Variants in CTNNA2 observed in about 807,000 individuals in gnomAD.
CTNNA2 encodes catenin alpha 2, also known as catenin alpha-2.
In CTNNA2, 42 loss-of-function variants were observed where a neutral mutation model predicts 101.0. That is an observed-to-expected ratio of 0.42 (90% confidence interval 0.32 to 0.54). The LOEUF (loss-of-function observed/expected upper bound fraction) is 0.54, where lower values mean the gene tolerates loss of function less well. Among genes scored for constraint, CTNNA2 ranks in the 20% least tolerant of loss-of-function variants. The pLI is 0.14. For missense variants in CTNNA2, 871 were observed against 1,223.1 expected (o/e 0.71, Z 4.29); for synonymous variants, 450 against 456.4 (o/e 0.99, Z 0.18).
At chr2:80,178,483 G>A (rs1705541089) in intron 7 of CTNNA2, among the ~76,000 whole-genome samples, 1 of 152,176 alleles carries the variant, frequency 6.6e-6, no homozygotes, top group Admixed American at 6.5e-5. Context: ...ACCTATGGGG[G>A]CCTGCCAAAG....
At chr2:80,045,955 C>T (rs545627055) in intron 7 of CTNNA2, among the ~76,000 whole-genome samples, 3 of 152,190 alleles carry the variant, frequency 2.0e-5, no homozygotes, top group East Asian at 1.9e-4. Flanking sequence ...GCCTGCATCC[C>T]GAAAAGTGAG....
intron 2 of CTNNA2, among the ~76,000 whole-genome samples, chr2:79,256,936 T>C (rs905174112): frequency 6.6e-6 from 1 of 152,244 alleles, no homozygotes; most frequent in African/African-American, 2.4e-5. Flanking sequence ...TATTATTTTA[T>C]TTGTAATACA....
intron 1 of CTNNA2, among the ~76,000 whole-genome samples, chr2:79,535,485 T>C (rs28730485): frequency 0.34 from 52,348 of 151,900 alleles, 9,425 homozygotes; most frequent in East Asian, 0.4. Context: ...ATTACAGGGG[T>C]GAGCCACTGC....
intron 2 of CTNNA2, among the ~76,000 whole-genome samples, chr2:79,303,865 G>GA (rs748818652): frequency 6.6e-6 from 1 of 151,882 alleles, no homozygotes; most frequent in African/African-American, 2.4e-5. Context: ...TGAAGAATAA[G>GA]AGAGAGAGCG....
chr2:79,506,873 T>A (rs980690339), intron 5 of CTNNA2, among the ~76,000 whole-genome samples: 1 of 152,114 alleles, frequency 6.6e-6, no homozygotes. Context: ...GTCACAGGAG[T>A]TATGTGACTA....
At chr2:79,936,852 T>C (rs1687825571) in intron 7 of CTNNA2, among the ~76,000 whole-genome samples, 1 of 152,098 alleles carries the variant, frequency 6.6e-6, no homozygotes, top group Non-Finnish European at 1.5e-5. Flanking sequence ...AAGCTTGAAG[T>C]CTCTTAGATT....
chr2:80,598,447 G>A (rs216644), intron 15 of CTNNA2, among the ~76,000 whole-genome samples: 37,138 of 151,556 alleles, frequency 0.25, 6,891 homozygotes, highest in African/African-American at 0.53. Flanking sequence ...CACACATAGC[G>A]TAGAACTTAA....
intron 3 of CTNNA2, among the ~76,000 whole-genome samples, chr2:79,823,667 A>G (rs1678200680): frequency 6.6e-6 from 1 of 152,210 alleles, no homozygotes; most frequent in African/African-American, 2.4e-5. Flanking sequence ...GTATACTTAA[A>G]TATAACCCTG....
At chr2:80,075,859 T>C (rs1313821405) in intron 7 of CTNNA2, among the ~76,000 whole-genome samples, 1 of 150,498 alleles carries the variant, frequency 6.6e-6, no homozygotes, top group Non-Finnish European at 1.5e-5. Context: ...AAACCACCTG[T>C]GTCTTAGGCC....
chr2:79,612,019 T>G (rs1678310340), intron 1 of CTNNA2, among the ~76,000 whole-genome samples: 1 of 152,134 alleles, frequency 6.6e-6, no homozygotes, highest in African/African-American at 2.4e-5. Context: ...CAGAATCTGC[T>G]AAGTTTTCAC....
intron 3 of CTNNA2, among the ~76,000 whole-genome samples, chr2:79,757,263 TA>T (rs5832402): frequency 0.44 from 66,764 of 151,968 alleles, 16,073 homozygotes; most frequent in East Asian, 0.79. Context: ...AGCATAATAA[TA>T]AAAAAACCAT....
chr2:79,765,835 G>A (rs559781972), intron 3 of CTNNA2, among the ~76,000 whole-genome samples: 1 of 152,270 alleles, frequency 6.6e-6, no homozygotes, highest in East Asian at 1.9e-4. Context: ...GTCCTGTTTG[G>A]TGTTATGTTA....
chr2:79,198,396 T>C (rs1673990146), intron 2 of CTNNA2, among the ~76,000 whole-genome samples: 1 of 152,210 alleles, frequency 6.6e-6, no homozygotes. Context: ...AGTTGTATTT[T>C]CTCTAGACAC....
intron 6 of CTNNA2, among the ~76,000 whole-genome samples, chr2:79,896,651 A>T (rs191888961): frequency 8.5e-5 from 13 of 152,334 alleles, no homozygotes; most frequent in African/African-American, 3.1e-4. Context: ...TCTCTCACAC[A>T]CACGTGTGTG....
chr2:79,412,807 G>A (rs1678431801), intron 4 of CTNNA2, among the ~76,000 whole-genome samples: 1 of 151,998 alleles, frequency 6.6e-6, no homozygotes, highest in African/African-American at 2.4e-5. Flanking sequence ...GGATGGTGAA[G>A]GGATTAGAAG....
At chr2:79,652,536 G>C (rs1681333135) in intron 2 of CTNNA2, among the ~76,000 whole-genome samples, 1 of 151,926 alleles carries the variant, frequency 6.6e-6, no homozygotes, top group Non-Finnish European at 1.5e-5. Context: ...CTTTGCTTTT[G>C]TCCTTGCATC....
chr2:79,994,676 T>G (rs1692420797), intron 7 of CTNNA2, among the ~76,000 whole-genome samples: 1 of 152,158 alleles, frequency 6.6e-6, no homozygotes, highest in Non-Finnish European at 1.5e-5. Context: ...ATTTTTATTT[T>G]CAGAAATGAA....
chr2:80,344,187 C>A (rs1357586905), intron 7 of CTNNA2, among the ~76,000 whole-genome samples: 1 of 152,126 alleles, frequency 6.6e-6, no homozygotes, highest in African/African-American at 2.4e-5. Context: ...CCGGAACTCA[C>A]AAGCTCCTGA....
chr2:80,325,811 T>G (rs1473169813), intron 7 of CTNNA2, among the ~76,000 whole-genome samples: 2 of 152,170 alleles, frequency 1.3e-5, no homozygotes, highest in Non-Finnish European at 2.9e-5. Context: ...AAAAGGACCT[T>G]AGAGATCACT....
Sources: allele counts gnomAD v4.1 joint callset (sites outside exome capture counted in the v4.1 genomes callset), GRCh38; gene constraint gnomAD v4.1.1; transcripts MANE v1.5; gene names NCBI Gene and HGNC (gene_info 2026-07-23, HGNC 2026-07-21).